The following DIP2C variants were observed in gnomAD, a reference collection of about 807,000 sequenced individuals.
The protein encoded by DIP2C is disco-interacting protein 2 homolog C.
DIP2C carries 33 observed loss-of-function variants against 192.4 expected under a neutral mutation model. The ratio of observed to expected loss-of-function variants is 0.17; its 90% CI spans 0.13 to 0.23. DIP2C has a LOEUF of 0.23. Among genes scored for constraint, DIP2C ranks in the 10% least tolerant of loss-of-function variants. The pLI is 1.00. For missense variants in DIP2C, 1,537 were observed against 2,110.1 expected, an observed-to-expected ratio of 0.73 and a Z score of 5.32; for synonymous variants, 979 against 864.1, an observed-to-expected ratio of 1.13 and a Z score of -2.33.
intron 1 of DIP2C, among the ~76,000 whole-genome samples, chr10:579,933 C>T (rs923198146): frequency 1.3e-5 from 2 of 151,624 alleles, no homozygotes; most frequent in East Asian, 3.9e-4. Flanking sequence ...TATAGGTACA[C>T]TATAACATGT....
At chr10:417,427 T>TA (rs1334307221) in intron 6 of DIP2C, among the ~76,000 whole-genome samples, 3 of 105,998 alleles carry the variant, frequency 2.8e-5, no homozygotes, top group Non-Finnish European at 6.1e-5. Flanking sequence ...GCCAATTTAG[T>TA]AAAGACGAAC....
intron 3 of DIP2C, among the ~76,000 whole-genome samples, chr10:454,987 C>A (rs892858986): frequency 6.6e-6 from 1 of 152,196 alleles, no homozygotes; most frequent in African/African-American, 2.4e-5. Flanking sequence ...TCCTAGAGCT[C>A]CTGCCATTTG....
At chr10:341,409 G>C in intron 28 of DIP2C, 80 bp from the exon 29 acceptor site, 1 of 1,567,844 alleles carries the variant, frequency 6.4e-7, no homozygotes, top group Non-Finnish European at 8.7e-7. Flanking sequence ...TGCAGGGAAC[G>C]CAAGGCTGTG....
Position 277,062 on chromosome 10 carries a change from G to GA in DIP2C, c.*262dup, listed in dbSNP as rs1449618858. ...TAATTAAAAAAGAAAGAAAAGAAAA[G>GA]AAAGTTTTGAAATGGGCTTTTCCAA... is the stretch of plus-strand genomic sequence containing the variant. On this transcript the variant is annotated 3_prime_UTR_variant, in exon 37 of 37. Transcript: ENST00000280886. The GA allele has an allele frequency of 1.6e-5, 4 of 254,692 alleles. No homozygotes were observed. Among genetic ancestry groups the GA allele is most frequent in the East Asian group, 4.9e-5 (1 of 20,288 alleles). 15.8% of individuals were successfully genotyped at this position (254,692 alleles called of 1,614,324 possible).
At chr10:399,007 A>T in intron 10 of DIP2C, 102 bp downstream of exon 10, 5 of 992,564 alleles carry the variant, frequency 5.0e-6, no homozygotes, top group Non-Finnish European at 7.6e-6. Flanking sequence ...AAGGAAACCC[A>T]GGGCCCCAGA....
intron 3 of DIP2C, among the ~76,000 whole-genome samples, chr10:454,036 G>A (rs950440349): frequency 6.6e-6 from 1 of 152,226 alleles, no homozygotes; most frequent in Admixed American, 6.5e-5. Flanking sequence ...CAGATCCATG[G>A]TTTCTGAAGA....
chr10:611,311 G>T (rs866495646), intron 1 of DIP2C, among the ~76,000 whole-genome samples: 2 of 152,160 alleles, frequency 1.3e-5, no homozygotes, highest in Non-Finnish European at 2.9e-5. Context: ...ACAGTATGCC[G>T]ATTAAACCTT....
intron 15 of DIP2C, 104 bp from the exon 16 acceptor site, chr10:384,250 G>C: frequency 8.4e-7 from 1 of 1,193,694 alleles, no homozygotes; most frequent in Non-Finnish European, 1.2e-6. Context: ...AAGAATCACT[G>C]GTCACCCAGC....
intron 17 of DIP2C, 64 bp from the exon 18 acceptor site, chr10:369,697 C>T (rs1374214637): frequency 1.2e-6 from 2 of 1,612,092 alleles, no homozygotes; most frequent in Non-Finnish European, 1.7e-6. Context: ...CACAGATGTG[C>T]AGTCAGCACA....
intron 29 of DIP2C, among the ~76,000 whole-genome samples, chr10:337,002 C>A (rs1589521675): frequency 1.7e-5 from 1 of 58,146 alleles, no homozygotes; most frequent in Non-Finnish European, 3.4e-5. Flanking sequence ...GTTGTGGAGG[C>A]CTAGGCAGCT....
chr10:578,755 T>A (rs548890535), intron 1 of DIP2C, among the ~76,000 whole-genome samples: 3 of 152,090 alleles, frequency 2.0e-5, no homozygotes, highest in South Asian at 4.2e-4. Context: ...ATGCATAGTG[T>A]ACACACATCC....
chr10:437,106 T>G (rs1351860313), intron 4 of DIP2C, among the ~76,000 whole-genome samples: 1 of 120,172 alleles, frequency 8.3e-6, no homozygotes, highest in East Asian at 2.7e-4. Flanking sequence ...CTCCTGGACA[T>G]GGTAGGGTGA....
At chr10:526,608 T>C (rs1312964499) in intron 1 of DIP2C, among the ~76,000 whole-genome samples, 2 of 152,094 alleles carry the variant, frequency 1.3e-5, no homozygotes, top group African/African-American at 4.8e-5. Context: ...GACGACCTTG[T>C]GGTCCTCTTT....
chr10:612,384 C>T (rs1853155492), intron 1 of DIP2C, among the ~76,000 whole-genome samples: 2 of 152,114 alleles, frequency 1.3e-5, no homozygotes, highest in Admixed American at 6.5e-5. Context: ...CATGTGTTTA[C>T]ATTTCAATGT....
intron 32 of DIP2C, among the ~76,000 whole-genome samples, chr10:295,868 ACG>A (rs1163921571): frequency 4.6e-5 from 7 of 152,070 alleles, no homozygotes; most frequent in East Asian, 1.9e-4. Flanking sequence ...AATTAGCTAG[ACG>A]TGATGATAAG....
chr10:340,716 C>G (rs1252517479), intron 29 of DIP2C: 1 of 456,258 alleles, frequency 2.2e-6, no homozygotes, highest in Admixed American at 2.3e-5. Context: ...GTAAGCCAGG[C>G]TCCGAGCCGG....
rs1482216816 is a variant in DIP2C at position 559,992 on chromosome 10, CCCCCGATCCAGTTCTCACCTCTCT to C, written c.86-73486_86-73463del. On this transcript the variant is annotated intron_variant, in intron 1 of 36. Coordinates refer to ENST00000280886, the MANE Select transcript of DIP2C (RefSeq NM_014974.3). The stretch of plus-strand genomic sequence containing the variant: ...TCCCCCCCACTCCTGTTCTCCTCTC[CCCCCGATCCAGTTCTCACCTCTCT>C]CCCCACCCCCTCCGGTTCTCACCTC... 1.7e-4 allele frequency among the ~76,000 whole-genome samples: 25 copies of C among 143,830 alleles called. No homozygotes were observed. In the East Asian group the frequency reaches 4.8e-3, roughly 28 times the overall value. The allele number at this position is 143,830 out of a possible 152,430, so 94.4% of individuals were successfully genotyped here.
chr10:598,730 A>G (rs1851872298), intron 1 of DIP2C, among the ~76,000 whole-genome samples: 1 of 152,230 alleles, frequency 6.6e-6, no homozygotes, highest in Admixed American at 6.5e-5. Context: ...GATTCTCTTA[A>G]GTTTGAGAAT....
chr10:308,579 A>G (rs1237237950), intron 32 of DIP2C, among the ~76,000 whole-genome samples: 3 of 152,250 alleles, frequency 2.0e-5, no homozygotes, highest in African/African-American at 7.2e-5. Context: ...AGAAAACTGT[A>G]TGCCCAGAAA....
Sources: allele counts gnomAD v4.1 joint callset (sites outside exome capture counted in the v4.1 genomes callset), GRCh38; gene constraint gnomAD v4.1.1; transcripts MANE v1.5; gene names NCBI Gene and HGNC (gene_info 2026-07-23, HGNC 2026-07-21).